Variants in TSTD2 observed in about 807,000 individuals in gnomAD.
TSTD2 encodes the protein thiosulfate sulfurtransferase/rhodanese-like domain-containing protein 2.
TSTD2 carries 37 observed loss-of-function variants against 47.9 expected under a neutral mutation model. The ratio of observed to expected loss-of-function variants is 0.77; its 90% confidence interval spans 0.59 to 1.02. The LOEUF is 1.02. TSTD2 is among the 50% of genes least tolerant of loss of function. The pLI, the probability that TSTD2 is intolerant of heterozygous loss-of-function variation, is 0.00. For synonymous variants in TSTD2, 201 were observed against 215.9 expected, an observed-to-expected ratio of 0.93 and a Z score of 0.61; for missense variants, 586 against 616.0, an observed-to-expected ratio of 0.95 and a Z score of 0.52.
At chr9:97,619,224 A>T (rs1826591189) in intron 3 of TSTD2, among the ~76,000 whole-genome samples, 1 of 152,234 alleles carries the variant, frequency 6.6e-6, no homozygotes. Flanking sequence ...TTCTACTTCA[A>T]CTTGCTTTCT....
Position 97,600,954 on chromosome 9 carries a change from A to C in TSTD2, c.*1515T>G, listed in dbSNP as rs762701432. On this transcript the variant is annotated 3_prime_UTR_variant, in exon 10 of 10. Transcript: ENST00000341170. Reference sequence around the variant, plus strand: ...GGGAGTTATTTTCATTAGTGATTTCAGCAAATCTCATGATAAAGGACAAGG... The same window carrying C: ...GGGAGTTATTTTCATTAGTGATTTCCGCAAATCTCATGATAAAGGACAAGG... 3 of 1,140,536 alleles carry C rather than the reference A, an allele frequency of 2.6e-6. No homozygotes were observed. The highest frequency in any genetic ancestry group is 4.6e-5 in the Admixed American group (1 of 21,928). 70.7% of individuals were successfully genotyped at this position (1,140,536 alleles called of 1,614,324 possible).
chr9:97,625,418 T>G (rs1356426514), intron 3 of TSTD2, among the ~76,000 whole-genome samples: 1 of 152,182 alleles, frequency 6.6e-6, no homozygotes, highest in Non-Finnish European at 1.5e-5. Context: ...GGATATGTTT[T>G]TATTGCTGTT....
intron 7 of TSTD2, 111 bp downstream of exon 7, chr9:97,606,032 G>T: frequency 1.2e-6 from 1 of 817,808 alleles, no homozygotes. Context: ...ACTGGGAGGA[G>T]ATCCATGTGG....
intron 9 of TSTD2, 97 bp from the exon 10 acceptor site, chr9:97,602,864 GT>G: frequency 7.7e-7 from 1 of 1,294,470 alleles, no homozygotes; most frequent in South Asian, 1.6e-5. Context: ...CGTAGATCCT[GT>G]GGAACCCGGG....
rs1826713605 is a variant in TSTD2, at chr9:97,625,932, T to A, written c.231A>T (p.Lys77Asn). 6.2e-7 allele frequency: 1 copy of A among 1,613,788 alleles called. No homozygotes were observed. The highest frequency in any genetic ancestry group is 1.3e-5 in the African/African-American group (1 of 74,922). ...PTKRSFECKEKLWKCCRQLFT... is the reference protein window; with the variant it reads ...PTKRSFECKENLWKCCRQLFT... Reference sequence around the variant, plus strand: ...ATAGCTGCCGACAGCATTTCCACAATTTTTCTTTACATTCAAAACTCCTTT... The same window carrying A: ...ATAGCTGCCGACAGCATTTCCACAAATTTTCTTTACATTCAAAACTCCTTT... The change falls in exon 3 of 10, where the codon AAA becomes AAT. Residue 77 changes from lysine to asparagine, a missense_variant. By Grantham distance (94) the Lys-to-Asn change is moderately conservative. Coordinates refer to ENST00000341170, the MANE Select transcript of TSTD2 (RefSeq NM_139246.5).
chr9:97,628,848 A>G (rs1826764195), intron 1 of TSTD2, among the ~76,000 whole-genome samples: 1 of 152,174 alleles, frequency 6.6e-6, no homozygotes, highest in Non-Finnish European at 1.5e-5. Flanking sequence ...GAGACCACAC[A>G]CAGAGAACCA....
Position 97,633,332 on chromosome 9 carries a change from C to T in TSTD2, c.-140G>A. ...TGCTCACCGCCCTCGAGCCTATTCC[C>T]CCGCCGCGTATTTGGGTAGAAAAGC... is the stretch of plus-strand genomic sequence containing the variant. On this transcript the variant is annotated 5_prime_UTR_variant, in exon 1 of 10. Transcript: ENST00000341170. The T allele has an allele frequency of 2.9e-6, 1 of 348,344 alleles. No individual in the cohort carries two copies. The allele number at this position is 348,344 out of a possible 1,614,324, so 21.6% of individuals were successfully genotyped here. A position where few individuals can be genotyped will look rare whatever the true frequency, so the allele number is the denominator to read the frequency against.
chr9:97,625,188 T>C (rs1826700148), intron 3 of TSTD2, among the ~76,000 whole-genome samples: 1 of 152,172 alleles, frequency 6.6e-6, no homozygotes, highest in Non-Finnish European at 1.5e-5. Flanking sequence ...AATCAGAAAA[T>C]ATGTATTGTC....
At chr9:97,619,258 G>A (rs995834433) in intron 3 of TSTD2, among the ~76,000 whole-genome samples, 2 of 152,188 alleles carry the variant, frequency 1.3e-5, no homozygotes, top group African/African-American at 2.4e-5. Flanking sequence ...TAAGTAAAAG[G>A]GAATGTGGCA....
At chr9:97,616,877 C>G (rs879766516) in intron 4 of TSTD2, among the ~76,000 whole-genome samples, 3 of 152,116 alleles carry the variant, frequency 2.0e-5, no homozygotes, top group Non-Finnish European at 4.4e-5. Context: ...CTAGATAATC[C>G]TTACTAACAT....
chr9:97,627,344 T>C, intron 2 of TSTD2, 54 bp downstream of exon 2: 1 of 1,507,962 alleles, frequency 6.6e-7, no homozygotes, highest in Non-Finnish European at 8.9e-7. Flanking sequence ...GACTTCCAAA[T>C]GTATCTGCGT....
chr9:97,633,047 T>G (rs1410475165), intron 1 of TSTD2, among the ~76,000 whole-genome samples, 196 bp downstream of exon 1: 1 of 152,202 alleles, frequency 6.6e-6, no homozygotes, highest in Non-Finnish European at 1.5e-5. Context: ...GCAAACAACT[T>G]AAGGAAAATG....
Position 97,617,758 on chromosome 9 carries a change from T to C in TSTD2, c.602A>G (p.Lys201Arg). The C allele has an allele frequency of 6.2e-7, 1 of 1,612,972 alleles. No homozygotes were observed. Among genetic ancestry groups the C allele is most frequent in the South Asian group, 1.1e-5 (1 of 90,888 alleles). ...ALCQHLHLTG[K>R]IRIAAEGING... ...AAGGAATATAGGAGAAGGTGTTACC[T>C]TGCCTGTGAGGTGCAGGTGCTGACA... is the stretch of plus-strand genomic sequence containing the variant. The change falls in exon 4 of 10, where the codon AAG becomes AGG. Residue 201 changes from lysine to arginine, a missense_variant and splice_region_variant. Coordinates refer to ENST00000341170, the MANE Select transcript of TSTD2 (RefSeq NM_139246.5).
chr9:97,615,896 A>C (rs1003212062), intron 4 of TSTD2, among the ~76,000 whole-genome samples: 9 of 152,118 alleles, frequency 5.9e-5, no homozygotes, highest in African/African-American at 1.9e-4. Flanking sequence ...TGTGCTAGGA[A>C]TTAGGGATAC....
chr9:97,604,560 C>A, intron 9 of TSTD2, 167 bp downstream of exon 9: 1 of 1,050,466 alleles, frequency 9.5e-7, no homozygotes, highest in South Asian at 1.7e-5. Context: ...GGCTAGGGTT[C>A]TCTCAGCTCC....
intron 3 of TSTD2, among the ~76,000 whole-genome samples, chr9:97,624,473 T>C (rs899229025): frequency 2.0e-5 from 3 of 152,194 alleles, no homozygotes; most frequent in African/African-American, 7.2e-5. Flanking sequence ...GACTCTGAGC[T>C]AGTAACACCA....
At chr9:97,633,067 C>G (rs1234680370) in intron 1 of TSTD2, among the ~76,000 whole-genome samples, 176 bp downstream of exon 1, 1 of 152,250 alleles carries the variant, frequency 6.6e-6, no homozygotes, top group Non-Finnish European at 1.5e-5. Flanking sequence ...GACGGCCAGC[C>G]GGCAAGCCCG....
At chr9:97,611,279 A>C (rs1826454562) in intron 5 of TSTD2, among the ~76,000 whole-genome samples, 1 of 152,122 alleles carries the variant, frequency 6.6e-6, no homozygotes, top group Non-Finnish European at 1.5e-5. Flanking sequence ...CTACAAAAAA[A>C]TTAGCCAGAC....
chr9:97,600,865 A>G lies in TSTD2; in HGVS notation c.*1604T>C. On this transcript the variant is annotated 3_prime_UTR_variant, in exon 10 of 10. Transcript: ENST00000341170. ...GATCCAGCAAAAGTGTTAAGCCACA[A>G]TGCCCTTGTGCCTTTTAATATACCA... 3 of 1,098,664 alleles carry G rather than the reference A, an allele frequency of 2.7e-6. No individual in the cohort carries two copies. Among genetic ancestry groups the G allele is most frequent in the Non-Finnish European group, 3.4e-6 (3 of 892,576 alleles). 68.1% of individuals were successfully genotyped at this position (1,098,664 alleles called of 1,614,324 possible). A position where few individuals can be genotyped will look rare whatever the true frequency, so the allele number is the denominator to read the frequency against.
Sources: gnomAD v4.1 joint callset for allele counts (sites outside exome capture counted in the v4.1 genomes callset) on GRCh38, gnomAD v4.1.1 for gene constraint, MANE v1.5 for transcripts, NCBI Gene and HGNC (gene_info 2026-07-23, HGNC 2026-07-21) for gene names.